Variants in SLC6A11 observed in about 807,000 individuals in gnomAD.
SLC6A11 encodes solute carrier family 6 member 11, also known as sodium- and chloride-dependent GABA transporter 3.
A neutral mutation model predicts 74.8 loss-of-function variants in SLC6A11; 25 were observed. That is an observed-to-expected ratio of 0.33 (90% CI 0.24 to 0.47). The LOEUF (loss-of-function observed/expected upper bound fraction) is 0.47. Among genes scored for constraint, SLC6A11 ranks in the 20% least tolerant of loss-of-function variants. SLC6A11 has a pLI of 1.00. For missense variants in SLC6A11, 574 were observed against 837.0 expected (o/e 0.69, Z 3.88); for synonymous variants, 330 against 330.2 (o/e 1.00, Z 0.01).
chr3:10,863,863 A>AGGGGTCCGTTC (rs1380631421), intron 5 of SLC6A11, among the ~76,000 whole-genome samples: 2 of 152,226 alleles, frequency 1.3e-5, no homozygotes, highest in Non-Finnish European at 2.9e-5. Flanking sequence ...CAAACTCCCG[A>AGGGGTCCGTTC]GGGGTCCGTT....
At chr3:10,906,679 G>A (rs187623947) in intron 6 of SLC6A11, among the ~76,000 whole-genome samples, 1 of 152,264 alleles carries the variant, frequency 6.6e-6, no homozygotes, top group African/African-American at 2.4e-5. Context: ...GCACTAACCA[G>A]TTGAGGCTTC....
intron 4 of SLC6A11, chr3:10,823,700 A>G: frequency 6.9e-6 from 2 of 291,660 alleles, no homozygotes; most frequent in African/African-American, 2.1e-5. Flanking sequence ...AAAAGAGGAG[A>G]TGCAGCCTGT....
At chr3:10,910,654 C>T (rs1695374067) in intron 6 of SLC6A11, among the ~76,000 whole-genome samples, 1 of 151,952 alleles carries the variant, frequency 6.6e-6, no homozygotes, top group Non-Finnish European at 1.5e-5. Context: ...ATTGGAAATT[C>T]TGGGACTGAG....
intron 6 of SLC6A11, among the ~76,000 whole-genome samples, chr3:10,899,358 C>A (rs1695209519): frequency 6.6e-6 from 1 of 152,178 alleles, no homozygotes; most frequent in South Asian, 2.1e-4. Context: ...CTCCTTGGGG[C>A]ATAAATTTGA....
intron 6 of SLC6A11, among the ~76,000 whole-genome samples, chr3:10,881,861 T>G (rs2106609573): frequency 6.6e-6 from 1 of 152,264 alleles, no homozygotes; most frequent in East Asian, 1.9e-4. Context: ...CCAGACTGAT[T>G]CCCAGCTCCC....
At chr3:10,929,811 T>C (rs1695661646) in intron 10 of SLC6A11, among the ~76,000 whole-genome samples, 1 of 152,228 alleles carries the variant, frequency 6.6e-6, no homozygotes, top group African/African-American at 2.4e-5. Context: ...GGGACTTCTA[T>C]GCGTGCCCCT....
intron 4 of SLC6A11, among the ~76,000 whole-genome samples, chr3:10,829,567 A>G (rs1348767245): frequency 6.6e-6 from 1 of 152,154 alleles, no homozygotes; most frequent in Admixed American, 6.5e-5. Context: ...TAAAGTGTAG[A>G]TGTTAGCGGC....
At chr3:10,840,370 C>G (rs1349244819) in intron 4 of SLC6A11, among the ~76,000 whole-genome samples, 1 of 152,170 alleles carries the variant, frequency 6.6e-6, no homozygotes, top group Admixed American at 6.5e-5. Flanking sequence ...ACCCCACACT[C>G]TGATACTGAT....
At chr3:10,896,209 C>T (rs540824375) in intron 6 of SLC6A11, among the ~76,000 whole-genome samples, 1 of 152,220 alleles carries the variant, frequency 6.6e-6, no homozygotes, top group Non-Finnish European at 1.5e-5. Context: ...CAGTCAGGGC[C>T]TCTGAGGCCA....
At chr3:10,825,045 A>G (rs7628460) in intron 4 of SLC6A11, 102,588 of 151,932 alleles carry the variant, frequency 0.68, 37,180 homozygotes, top group East Asian at 0.94. Flanking sequence ...TTAGCTGGGT[A>G]GTGGTTCATG....
At chr3:10,909,500 A>G (rs1695357065) in intron 6 of SLC6A11, among the ~76,000 whole-genome samples, 1 of 151,880 alleles carries the variant, frequency 6.6e-6, no homozygotes, top group Non-Finnish European at 1.5e-5. Flanking sequence ...GGGAGGGTCC[A>G]CTCCACTGAG....
At chr3:10,903,852 C>G (rs531455062) in intron 6 of SLC6A11, among the ~76,000 whole-genome samples, 87 of 152,322 alleles carry the variant, frequency 5.7e-4, no homozygotes, top group Non-Finnish European at 1.1e-3. Context: ...CCCACATATG[C>G]ACAATGACCA....
At chr3:10,922,875 A>G (rs140805806) in intron 8 of SLC6A11, among the ~76,000 whole-genome samples, 98 of 152,338 alleles carry the variant, frequency 6.4e-4, no homozygotes, top group African/African-American at 2.2e-3. Context: ...GCTAAAGACA[A>G]AAATAACGAT....
chr3:10,881,165 C>G (rs915598697), intron 6 of SLC6A11, among the ~76,000 whole-genome samples: 1 of 152,136 alleles, frequency 6.6e-6, no homozygotes. Flanking sequence ...CCTGTAATCC[C>G]AGCACTTTGG....
intron 6 of SLC6A11, among the ~76,000 whole-genome samples, chr3:10,900,921 G>C (rs1167779731): frequency 6.6e-6 from 1 of 152,144 alleles, no homozygotes; most frequent in Admixed American, 6.5e-5. Context: ...CTGGCCCAGG[G>C]TCATTTAGAA....
At chr3:10,883,356 T>A (rs910378776) in intron 6 of SLC6A11, among the ~76,000 whole-genome samples, 3 of 152,140 alleles carry the variant, frequency 2.0e-5, no homozygotes, top group Non-Finnish European at 2.9e-5. Flanking sequence ...ACATTGTTCC[T>A]GCCCCAGATT....
Position 10,912,690 on chromosome 3 carries a change from G to A in SLC6A11, c.995+497G>A, listed in dbSNP as rs3774093. Among the ~76,000 whole-genome samples, 1,931 of 152,322 alleles carry A rather than the reference G, an allele frequency of 0.013. 80 individuals are homozygous for A. The East Asian group carries it at 0.16, about 13-fold the overall frequency. On this transcript the variant is annotated intron_variant, in intron 7 of 13. Coordinates refer to ENST00000254488, the MANE Select transcript of SLC6A11 (RefSeq NM_014229.3). ...CTGGCTGCACCAGGGCTGGGAGGGG[G>A]TTCAGGTGAGGAGGCGAGCCCCAGT...
chr3:10,861,001 C>T (rs1457936822), intron 5 of SLC6A11, among the ~76,000 whole-genome samples: 1 of 152,092 alleles, frequency 6.6e-6, no homozygotes, highest in Non-Finnish European at 1.5e-5. Context: ...GGCTCCTAAA[C>T]CCATAGGAAT....
chr3:10,900,318 C>A (rs925910055), intron 6 of SLC6A11, among the ~76,000 whole-genome samples: 36 of 152,162 alleles, frequency 2.4e-4, no homozygotes, highest in African/African-American at 8.7e-4. Context: ...AGACCCTAAG[C>A]AGCTGTGGGC....
Sources: gnomAD v4.1 joint callset for allele counts (sites outside exome capture counted in the v4.1 genomes callset) on GRCh38, gnomAD v4.1.1 for gene constraint, MANE v1.5 for transcripts, NCBI Gene and HGNC (gene_info 2026-07-23, HGNC 2026-07-21) for gene names.